Variants in TAFA5 observed in about 807,000 individuals in gnomAD.
TAFA5 encodes the protein TAFA chemokine like family member 5.
TAFA5 carries 6 observed loss-of-function variants against 15.3 expected under a neutral mutation model. That is an observed-to-expected ratio of 0.39 (90% CI 0.21 to 0.77). The LOEUF (loss-of-function observed/expected upper bound fraction) is 0.77. Among genes scored for constraint, TAFA5 ranks in the 30% least tolerant of loss-of-function variants. The pLI is 0.41. For synonymous variants in TAFA5, 103 were observed against 80.7 expected, an observed-to-expected ratio of 1.28 and a Z score of -1.48; for missense variants, 161 against 193.1, an observed-to-expected ratio of 0.83 and a Z score of 0.98.
intron 1 of TAFA5, among the ~76,000 whole-genome samples, chr22:48,551,810 C>T (rs1922866508): frequency 6.6e-6 from 1 of 152,224 alleles, no homozygotes. Flanking sequence ...CGCACCTCTG[C>T]CCCGCCCGCT....
intron 1 of TAFA5, among the ~76,000 whole-genome samples, chr22:48,523,848 G>A (rs1402400257): frequency 6.6e-6 from 1 of 152,212 alleles, no homozygotes; most frequent in East Asian, 1.9e-4. Flanking sequence ...TCTGCAGAGA[G>A]GAGGCTGGCG....
At chr22:48,590,151 G>A (rs967319722) in intron 1 of TAFA5, among the ~76,000 whole-genome samples, 8 of 152,134 alleles carry the variant, frequency 5.3e-5, no homozygotes, top group Non-Finnish European at 7.4e-5. Context: ...GGGAAGATCC[G>A]GATTCCCATC....
At chr22:48,677,266 G>A (rs1333333577) in intron 2 of TAFA5, among the ~76,000 whole-genome samples, 1 of 152,228 alleles carries the variant, frequency 6.6e-6, no homozygotes, top group Non-Finnish European at 1.5e-5. Context: ...TCCCCCATAG[G>A]CCTGGGGAGC....
intron 2 of TAFA5, among the ~76,000 whole-genome samples, chr22:48,691,036 C>T (rs1032726125): frequency 6.6e-6 from 1 of 152,106 alleles, no homozygotes; most frequent in African/African-American, 2.4e-5. Flanking sequence ...CGTCAATCTC[C>T]AGTGGTCAAG....
At chr22:48,726,390 G>A (rs544409229) in intron 3 of TAFA5, among the ~76,000 whole-genome samples, 11 of 152,378 alleles carry the variant, frequency 7.2e-5, no homozygotes, top group Non-Finnish European at 1.3e-4. Context: ...GAGGCTAGTG[G>A]TGGTGGGCTG....
intron 1 of TAFA5, among the ~76,000 whole-genome samples, chr22:48,561,736 G>A (rs1923238060): frequency 6.6e-6 from 1 of 152,188 alleles, no homozygotes; most frequent in African/African-American, 2.4e-5. Flanking sequence ...CCCAGGTGTC[G>A]AAAAATCAAT....
chr22:48,734,201 A>G (rs926045454), intron 3 of TAFA5, among the ~76,000 whole-genome samples: 27 of 152,250 alleles, frequency 1.8e-4, no homozygotes, highest in African/African-American at 6.5e-4. Flanking sequence ...TGAGTAAGAA[A>G]TGGTTGGCAC....
chr22:48,618,564 C>T (rs1925696179), intron 1 of TAFA5, among the ~76,000 whole-genome samples: 1 of 152,194 alleles, frequency 6.6e-6, no homozygotes, highest in South Asian at 2.1e-4. Context: ...CCCGCAGCTC[C>T]GTCTGGGAAG....
At chr22:48,618,887 G>A (rs28583744) in intron 1 of TAFA5, among the ~76,000 whole-genome samples, 1 of 152,104 alleles carries the variant, frequency 6.6e-6, no homozygotes, top group Non-Finnish European at 1.5e-5. Context: ...GGCCCCCCTC[G>A]CCTGCACAGA....
intron 1 of TAFA5, among the ~76,000 whole-genome samples, chr22:48,505,555 C>T (rs1038859551): frequency 6.6e-6 from 1 of 152,250 alleles, no homozygotes; most frequent in Non-Finnish European, 1.5e-5. Flanking sequence ...CCAAGGGGGG[C>T]TGTGGAGCTG....
At chr22:48,708,396 G>A (rs1050653038) in intron 3 of TAFA5, among the ~76,000 whole-genome samples, 6 of 152,162 alleles carry the variant, frequency 3.9e-5, no homozygotes, top group African/African-American at 7.2e-5. Context: ...AGTGCACCCC[G>A]CCCTCCCAAA....
intron 1 of TAFA5, among the ~76,000 whole-genome samples, chr22:48,589,700 G>A (rs1227058443): frequency 9.9e-6 from 1 of 101,426 alleles, no homozygotes; most frequent in Non-Finnish European, 1.9e-5. Context: ...GAAGCAAACA[G>A]AGAGGGGGCC....
intron 2 of TAFA5, among the ~76,000 whole-genome samples, chr22:48,648,528 C>T (rs1023293276): frequency 2.0e-5 from 3 of 152,130 alleles, no homozygotes; most frequent in South Asian, 2.1e-4. Flanking sequence ...CAGAGGGAGG[C>T]GGCTGCACTA....
chr22:48,585,462 A>C (rs190973003), intron 1 of TAFA5, among the ~76,000 whole-genome samples: 34 of 149,754 alleles, frequency 2.3e-4, no homozygotes, highest in African/African-American at 7.4e-4. Flanking sequence ...CACCACACAA[A>C]ATACACCACA....
chr22:48,598,577 A>G lies in TAFA5; in HGVS notation c.113-48020A>G, dbSNP rs1408449697. 6.6e-6 allele frequency among the ~76,000 whole-genome samples: 1 copy of G among 152,170 alleles called. No homozygotes were observed. Among genetic ancestry groups the G allele is most frequent in the African/African-American group, 2.4e-5 (1 of 41,428 alleles). ...TGAGATGACCTCCATGTAGGCTGCC[A>G]TGGTGTCACCGGCTGACCTGGTTTC... On this transcript the variant is annotated intron_variant, in intron 1 of 3. Coordinates refer to ENST00000402357, the MANE Select transcript of TAFA5 (RefSeq NM_001082967.3). This position sits in a 1 kb window ranked among gnomAD's most constrained non-coding sequence, Gnocchi z 4.0.
chr22:48,491,711 C>T (rs959844800), intron 1 of TAFA5, among the ~76,000 whole-genome samples: 1 of 152,224 alleles, frequency 6.6e-6, no homozygotes, highest in Non-Finnish European at 1.5e-5. Context: ...GTTGTTCATC[C>T]GGACGGGCTC....
At chr22:48,604,964 G>T (rs1925106261) in intron 1 of TAFA5, among the ~76,000 whole-genome samples, 1 of 151,680 alleles carries the variant, frequency 6.6e-6, no homozygotes, top group South Asian at 2.1e-4. Context: ...TATGATGAGG[G>T]TAATGAGGAT....
At chr22:48,678,987 T>TCCTGGCTC (rs1928074803) in intron 2 of TAFA5, among the ~76,000 whole-genome samples, 2 of 135,140 alleles carry the variant, frequency 1.5e-5, no homozygotes, top group African/African-American at 3.2e-5. Flanking sequence ...TCCATCCCTC[T>TCCTGGCTC]CCCGGCTCCC....
At chr22:48,702,753 A>C (rs1928951808) in intron 2 of TAFA5, among the ~76,000 whole-genome samples, 1 of 152,076 alleles carries the variant, frequency 6.6e-6, no homozygotes, top group African/African-American at 2.4e-5. Flanking sequence ...AGGCCTCCTC[A>C]CCCGAGCCCG....
Sources: allele counts gnomAD v4.1 joint callset (sites outside exome capture counted in the v4.1 genomes callset), GRCh38; gene constraint gnomAD v4.1.1; non-coding constraint Gnocchi (gnomAD v3.1); transcripts MANE v1.5; gene names NCBI Gene and HGNC (gene_info 2026-07-23, HGNC 2026-07-21).